Variants in NUP160 observed in about 807,000 individuals in gnomAD.
NUP160 encodes nuclear pore complex protein Nup160.
In NUP160, 94 loss-of-function variants were observed where a neutral mutation model predicts 196.9. The ratio of observed to expected loss-of-function variants is 0.48; its 90% CI spans 0.40 to 0.57. NUP160 has a LOEUF of 0.57. NUP160 is among the 20% of genes least tolerant of loss of function. The probability of loss-of-function intolerance (pLI) is 0.00; values close to 1 mark genes in which losing one functional copy is unlikely to be tolerated. For synonymous variants in NUP160, 605 were observed against 619.7 expected, an observed-to-expected ratio of 0.98 and a Z score of 0.35; for missense variants, 1,638 against 1,748.3, an observed-to-expected ratio of 0.94 and a Z score of 1.13.
chr11:47,843,113 T>C (rs1327862809), intron 2 of NUP160, among the ~76,000 whole-genome samples: 2 of 152,198 alleles, frequency 1.3e-5, no homozygotes, highest in Middle Eastern at 3.2e-3. Context: ...CATTCCCAAC[T>C]GCACATAGAT....
chr11:47,793,142 C>A (rs1310185684), intron 27 of NUP160, among the ~76,000 whole-genome samples, 196 bp from the exon 28 acceptor site: 1 of 152,062 alleles, frequency 6.6e-6, no homozygotes. Context: ...ACACGACCAC[C>A]ACGCCCGGCT....
At chr11:47,779,506 C>T in intron 35 of NUP160, 1 of 510,128 alleles carries the variant, frequency 2.0e-6, no homozygotes, top group South Asian at 1.5e-5. Flanking sequence ...TCTGATATAA[C>T]TAGTTATTAG....
chr11:47,790,819 T>A (rs2097667487), intron 29 of NUP160, among the ~76,000 whole-genome samples: 1 of 152,200 alleles, frequency 6.6e-6, no homozygotes, highest in African/African-American at 2.4e-5. Flanking sequence ...TAATGGTGTC[T>A]GGGAACTCTT....
rs778784970 is a variant in NUP160, at chr11:47,834,389, G to A, written c.1101+1262C>T. 6.0e-4 allele frequency among the ~76,000 whole-genome samples: 91 copies of A among 152,192 alleles called. 1 individual carries two copies. Among genetic ancestry groups the A allele is most frequent in the Non-Finnish European group, 4.3e-4 (29 of 68,034 alleles). ...TGCAGAGAAGAGTATACTTAGAGGA[G>A]ATGGATAGGTATGTTCAAATAGTTC... On this transcript the variant is annotated intron_variant, in intron 7 of 35. Coordinates refer to ENST00000378460, the Ensembl canonical transcript of NUP160.
chr11:47,819,764 ATAAC>A (rs1366171519), intron 9 of NUP160, among the ~76,000 whole-genome samples: 8 of 152,244 alleles, frequency 5.3e-5, no homozygotes, highest in African/African-American at 9.6e-5. Flanking sequence ...AATACAAAGA[ATAAC>A]TAACTTTTAT....
intron 22 of NUP160, 102 bp from the exon 23 acceptor site, chr11:47,802,032 A>G (rs1223870131): frequency 4.0e-6 from 4 of 1,001,628 alleles, no homozygotes; most frequent in Non-Finnish European, 6.0e-6. Context: ...AAGAAACAAG[A>G]TTACTTAACA....
At chr11:47,832,421 A>C (rs1230297002) in intron 7 of NUP160, among the ~76,000 whole-genome samples, 1 of 152,228 alleles carries the variant, frequency 6.6e-6, no homozygotes, top group Non-Finnish European at 1.5e-5. Context: ...CGGAGGTCAT[A>C]AGATTTGCAA....
exon 1 of NUP160, chr11:47,848,423 C>T (rs759926931): frequency 6.4e-7 from 1 of 1,554,610 alleles, no homozygotes; most frequent in Non-Finnish European, 8.7e-7. Context: ...TGAAGCATTC[C>T]GGGAGCAGAA....
At chr11:47,837,573 G>A (rs1275973242) in exon 5 of NUP160, 18 of 1,613,968 alleles carry the variant, frequency 1.1e-5, no homozygotes. Context: ...CAGCCTGTAA[G>A]CAATCGTTGC....
chr11:47,831,455 A>C (rs922674314), intron 7 of NUP160, among the ~76,000 whole-genome samples: 15 of 152,194 alleles, frequency 9.9e-5, no homozygotes, highest in Admixed American at 3.3e-4. Context: ...ACAAATGAAT[A>C]AATAAATGGT....
At chr11:47,807,754 T>C (rs1192313825) in intron 18 of NUP160, among the ~76,000 whole-genome samples, 1 of 152,242 alleles carries the variant, frequency 6.6e-6, no homozygotes, top group Non-Finnish European at 1.5e-5. Flanking sequence ...CGTAACATTT[T>C]GTGTATGGTC....
At position 47,796,962 on chromosome 11, in the gene NUP160, G is replaced by A. The variant is rs189915190; in HGVS notation, c.3289+817C>T. 3.0e-3 allele frequency among the ~76,000 whole-genome samples: 452 copies of A among 152,244 alleles called. 3 individuals are homozygous for A. The highest frequency in any genetic ancestry group is 0.01 in the African/African-American group (427 of 41,536). ...CCTGCCTCAGCCTCCTCAAGTACTG[G>A]GATTACAGGCGTGGGCCACCGCGCC... On this transcript the variant is annotated intron_variant, in intron 27 of 35. Coordinates refer to ENST00000378460, the Ensembl canonical transcript of NUP160.
chr11:47,839,832 C>A lies in NUP160; in HGVS notation c.748+11G>T, dbSNP rs1235292850. On this transcript the variant is annotated intron_variant, in intron 4 of 35. Coordinates refer to ENST00000378460, the Ensembl canonical transcript of NUP160. ...TTTAAAGTTAAATCCATGCTCAGTTCCCATTCTTACCAGGTATGTCATAAG... is the reference window on the plus strand; with the variant it reads ...TTTAAAGTTAAATCCATGCTCAGTTACCATTCTTACCAGGTATGTCATAAG... 1 of 1,597,166 alleles carries A rather than the reference C, an allele frequency of 6.3e-7. No individual in the cohort carries two copies.
At chr11:47,837,415 AT>A in intron 5 of NUP160, 129 bp downstream of exon 5, 2 of 714,400 alleles carry the variant, frequency 2.8e-6, no homozygotes, top group South Asian at 1.8e-5. Context: ...ATGGAATTTA[AT>A]GTTATTCTGA....
At chr11:47,801,476 A>G in intron 23 of NUP160, among the ~76,000 whole-genome samples, 1 of 151,952 alleles carries the variant, frequency 6.6e-6, no homozygotes, top group East Asian at 1.9e-4. Context: ...CAGCCTCCCA[A>G]GTAGGTGGGA....
chr11:47,840,661 A>C, intron 2 of NUP160, 73 bp from the exon 3 acceptor site: 1 of 1,256,366 alleles, frequency 8.0e-7, no homozygotes, highest in Non-Finnish European at 1.1e-6. Context: ...ATATATGAGA[A>C]CAGTGTCCAA....
chr11:47,814,166 A>AAAC (rs1455798441), intron 13 of NUP160, among the ~76,000 whole-genome samples: 4 of 150,476 alleles, frequency 2.7e-5, no homozygotes, highest in South Asian at 2.1e-4. Context: ...ACAAACAAAC[A>AAAC]AAAAAAAGAA....
chr11:47,823,654 CCTA>C (rs1851908136), intron 7 of NUP160, among the ~76,000 whole-genome samples: 1 of 152,080 alleles, frequency 6.6e-6, no homozygotes, highest in Non-Finnish European at 1.5e-5. Context: ...CCTGCCTCAG[CCTA>C]CTGAGTAGCT....
At chr11:47,822,592 C>T (rs1555004698) in intron 7 of NUP160, among the ~76,000 whole-genome samples, 1 of 150,280 alleles carries the variant, frequency 6.7e-6, no homozygotes. Flanking sequence ...TTTTTTAATA[C>T]TTTAAATTCT....
Sources: allele counts gnomAD v4.1 joint callset (sites outside exome capture counted in the v4.1 genomes callset), GRCh38; gene constraint gnomAD v4.1.1; transcripts MANE v1.5; gene names NCBI Gene and HGNC (gene_info 2026-07-23, HGNC 2026-07-21).